GPR25: variants seen among roughly 807,000 people sequenced by gnomAD.
The protein encoded by GPR25 is C-X-C chemokine receptor GPR25.
For missense variants in GPR25, 501 were observed against 503.0 expected (o/e 1.00, Z 0.04); for synonymous variants, 280 against 264.9 (o/e 1.06, Z -0.55).
Position 200,873,520 on chromosome 1 carries a change from C to T in GPR25, c.483C>T (p.Cys161=), listed in dbSNP as rs1238132440. ...CGCGCTGCGCGCTGGCCTCGTGCTG[C>T]GGCGTCTGGGCCGTGGCGCTGCTGG... The part of the protein sequence containing the change: ...RTPRCALASC[C]GVWAVALLAG... The change falls in exon 1 of 1, where the codon TGC becomes TGT. Residue 161 remains cysteine (C), a synonymous_variant. Coordinates refer to ENST00000304244, the MANE Select transcript of GPR25 (RefSeq NM_005298.4). 1.3e-6 allele frequency: 2 copies of T among 1,559,960 alleles called. No homozygotes were observed. The highest frequency in any genetic ancestry group is 1.2e-5 in the South Asian group (1 of 86,260).
In GPR25 at chr1:200,873,438, G is replaced by A; in HGVS notation, c.401G>A (p.Ser134Asn). ...CAGALLLAGM[S>N]VDRYLAVVKL... is the part of the protein sequence containing the mutation. Reference sequence around the variant, plus strand: ...GGCGCGCTGCTGCTGGCGGGCATGAGCGTGGACCGCTACCTGGCCGTGGTG... The same window carrying A: ...GGCGCGCTGCTGCTGGCGGGCATGAACGTGGACCGCTACCTGGCCGTGGTG... The change falls in exon 1 of 1, where the codon AGC becomes AAC. Residue 134 changes from serine (S) to asparagine (N), a missense_variant. Transcript: ENST00000304244. 6.5e-7 allele frequency: 1 copy of A among 1,545,886 alleles called. No homozygotes were observed. The highest frequency in any genetic ancestry group is 1.2e-5 in the South Asian group (1 of 84,638).
Position 200,873,103 on chromosome 1 carries a change from C to G in GPR25, c.66C>G (p.Asp22Glu). The change falls in exon 1 of 1, where the codon GAC becomes GAG. Residue 22 changes from aspartate (D) to glutamate (E), a missense_variant. Asp to Glu is a conservative substitution (Grantham distance 45, BLOSUM62 2). Coordinates refer to ENST00000304244, the MANE Select transcript of GPR25 (RefSeq NM_005298.4). ...GSAPWDYSGL[D>E]GLEELELCPA... ...CGCCCTGGGACTACTCGGGGTTGGA[C>G]GGCCTGGAGGAGCTGGAGCTGTGTC... 1.9e-6 allele frequency: 3 copies of G among 1,593,400 alleles called. No homozygotes were observed. Among genetic ancestry groups the G allele is most frequent in the Non-Finnish European group, 2.6e-6 (3 of 1,173,834 alleles).
At position 200,873,432 on chromosome 1, in the gene GPR25, G is replaced by T; in HGVS notation, c.395G>T (p.Gly132Val). The change falls in exon 1 of 1, where the codon GGC becomes GTC. Residue 132 changes from glycine to valine, a missense_variant. Coordinates refer to ENST00000304244, the MANE Select transcript of GPR25 (RefSeq NM_005298.4). ...TGCGCGGGCGCGCTGCTGCTGGCGG[G>T]CATGAGCGTGGACCGCTACCTGGCC... Reference protein sequence around the residue: ...TRCAGALLLAGMSVDRYLAVV... With the variant: ...TRCAGALLLAVMSVDRYLAVV... The T allele has an allele frequency of 1.3e-6, 2 of 1,525,258 alleles. No individual in the cohort carries two copies. Among genetic ancestry groups the T allele is most frequent in the Non-Finnish European group, 1.7e-6 (2 of 1,145,930 alleles). 94.5% of individuals were successfully genotyped at this position (1,525,258 alleles called of 1,614,324 possible). A position where few individuals can be genotyped will look rare whatever the true frequency, so the allele number is the denominator to read the frequency against.
In GPR25 at chr1:200,873,096, G is replaced by A; in HGVS notation, c.59G>A (p.Gly20Glu). 1 of 1,590,204 alleles carries A rather than the reference G, an allele frequency of 6.3e-7. No individual in the cohort carries two copies. Among genetic ancestry groups the A allele is most frequent in the Non-Finnish European group, 8.5e-7 (1 of 1,172,310 alleles). ...SPGSAPWDYS[G>E]LDGLEELELC... ...GGGTCAGCGCCCTGGGACTACTCGGGGTTGGACGGCCTGGAGGAGCTGGAG... is the reference window on the plus strand; with the variant it reads ...GGGTCAGCGCCCTGGGACTACTCGGAGTTGGACGGCCTGGAGGAGCTGGAG... Residue 20 changes from glycine (G) to glutamate (E), a missense_variant, in exon 1 of 1, where the codon GGG becomes GAG. Gly to Glu is a moderately conservative substitution (Grantham distance 98, BLOSUM62 -2). Transcript: ENST00000304244.
Position 200,873,124 on chromosome 1 carries a change from G to A in GPR25, c.87G>A (p.Leu29=), listed in dbSNP as rs372480797. Residue 29 remains leucine (L), a synonymous_variant, in exon 1 of 1, where the codon CTG becomes CTA. Transcript: ENST00000304244. ...SGLDGLEELE[L]CPAGDLPYGY... ...TGGACGGCCTGGAGGAGCTGGAGCT[G>A]TGTCCGGCCGGGGACCTGCCCTACG... is the stretch of plus-strand genomic sequence containing the variant. 25 of 1,601,494 alleles carry A rather than the reference G, an allele frequency of 1.6e-5. No homozygotes were observed. In the African/African-American group the frequency reaches 3.3e-4, roughly 21 times the overall value.
Position 200,873,104 on chromosome 1 carries a change from G to A in GPR25, c.67G>A (p.Gly23Ser), listed in dbSNP as rs150175263. The A allele has an allele frequency of 3.1e-6, 5 of 1,594,280 alleles. No individual in the cohort carries two copies. The highest frequency in any genetic ancestry group is 4.3e-6 in the Non-Finnish European group (5 of 1,174,302). The change falls in exon 1 of 1, where the codon GGC becomes AGC. Residue 23 changes from glycine to serine, a missense_variant. By Grantham distance (56) the Gly-to-Ser change is moderately conservative (BLOSUM62 0). Coordinates refer to ENST00000304244, the MANE Select transcript of GPR25 (RefSeq NM_005298.4). Reference protein sequence around the residue: ...SAPWDYSGLDGLEELELCPAG... With the variant: ...SAPWDYSGLDSLEELELCPAG... ...GCCCTGGGACTACTCGGGGTTGGAC[G>A]GCCTGGAGGAGCTGGAGCTGTGTCC...
rs1259063068 is a variant in GPR25 at position 200,873,583 on chromosome 1, C to A, written c.546C>A (p.Pro182=). The change falls in exon 1 of 1, where the codon CCC becomes CCA. Residue 182 remains proline (P), a synonymous_variant. Coordinates refer to ENST00000304244, the MANE Select transcript of GPR25 (RefSeq NM_005298.4). ...LPSLVYRGLQ[P]LPGGQDSQCG... ...CCCTGGTCTACCGGGGGTTGCAGCC[C>A]CTGCCTGGGGGCCAGGACAGCCAGT... 1 of 1,586,424 alleles carries A rather than the reference C, an allele frequency of 6.3e-7. No individual in the cohort carries two copies. Among genetic ancestry groups the A allele is most frequent in the African/African-American group, 1.3e-5 (1 of 74,630 alleles).
Position 200,873,208 on chromosome 1 carries a change from C to T in GPR25, c.171C>T (p.Asn57=), listed in dbSNP as rs752105755. 43 of 1,605,378 alleles carry T rather than the reference C, an allele frequency of 2.7e-5. No homozygotes were observed. The highest frequency in any genetic ancestry group is 3.4e-5 in the Non-Finnish European group (40 of 1,178,634). Residue 57 remains asparagine (N), a synonymous_variant, in exon 1 of 1, where the codon AAC becomes AAT. Coordinates refer to ENST00000304244, the MANE Select transcript of GPR25 (RefSeq NM_005298.4). ...CCTTCGCCGTGGGCCTGCTGGGCAA[C>T]GCCTTTGTGGTGTGGCTGCTGGCCG... ...LAAFAVGLLG[N]AFVVWLLAGR... is the part of the protein sequence containing the mutation.
Position 200,873,385 on chromosome 1 carries a change from C to A in GPR25, c.348C>A (p.Ser116Arg). The A allele has an allele frequency of 6.7e-7, 1 of 1,492,674 alleles. No individual in the cohort carries two copies. The highest frequency in any genetic ancestry group is 1.3e-5 in the South Asian group (1 of 78,728). 92.5% of individuals were successfully genotyped at this position (1,492,674 alleles called of 1,614,324 possible). The change falls in exon 1 of 1, where the codon AGC becomes AGA. Residue 116 changes from serine to arginine, a missense_variant. Physicochemically the swap from Ser to Arg is moderately radical, Grantham distance 110 (BLOSUM62 -1). Coordinates refer to ENST00000304244, the MANE Select transcript of GPR25 (RefSeq NM_005298.4). The stretch of plus-strand genomic sequence containing the variant: ...GCGATGGCCTCTGCAAGCTCAGCAG[C>A]TTCGCGCTGGCGGGCACGCGCTGCG... ...PFGDGLCKLSSFALAGTRCAG... is the reference protein window; with the variant it reads ...PFGDGLCKLSRFALAGTRCAG...
Position 200,873,302 on chromosome 1 carries a change from G to T in GPR25, c.265G>T (p.Val89Leu). The T allele has an allele frequency of 6.5e-7, 1 of 1,535,032 alleles. No homozygotes were observed. The highest frequency in any genetic ancestry group is 8.7e-7 in the Non-Finnish European group (1 of 1,145,988). ...LHLAAADLGF[V>L]LTLPLWAAAA... ...CCTGGCGGCAGCTGACCTGGGCTTC[G>T]TGCTCACGCTGCCGCTGTGGGCCGC... The change falls in exon 1 of 1, where the codon GTG (valine) becomes TTG (leucine). Residue 89 changes from valine to leucine, a missense_variant. Val to Leu is a conservative substitution (Grantham distance 32). Coordinates refer to ENST00000304244, the MANE Select transcript of GPR25 (RefSeq NM_005298.4).
Position 200,873,187 on chromosome 1 carries a change from C to T in GPR25, c.150C>T (p.Phe50=), listed in dbSNP as rs759427738. ...VYIPALYLAA[F]AVGLLGNAFV... ...TCCCCGCGCTCTACCTGGCGGCCTT[C>T]GCCGTGGGCCTGCTGGGCAACGCCT... The change falls in exon 1 of 1, where the codon TTC becomes TTT. Residue 50 remains phenylalanine, a synonymous_variant. Transcript: ENST00000304244. 1.2e-6 allele frequency: 2 copies of T among 1,606,444 alleles called. No individual in the cohort carries two copies. Among genetic ancestry groups the T allele is most frequent in the Admixed American group, 1.7e-5 (1 of 59,854 alleles).
In GPR25 at chr1:200,873,018, G is replaced by A; in HGVS notation, c.-20G>A. The A allele has an allele frequency of 1.3e-6, 2 of 1,508,828 alleles. No homozygotes were observed. Among genetic ancestry groups the A allele is most frequent in the East Asian group, 2.4e-5 (1 of 41,100 alleles). The allele number at this position is 1,508,828 out of a possible 1,614,324, so 93.5% of individuals were successfully genotyped here. A position where few individuals can be genotyped will look rare whatever the true frequency, so the allele number is the denominator to read the frequency against. On this transcript the variant is annotated 5_prime_UTR_variant, in exon 1 of 1. Coordinates refer to ENST00000304244, the MANE Select transcript of GPR25 (RefSeq NM_005298.4). ...GCCTGCGCCCAGGGCTGCACTCCGCGCAGGCCTCATAGCCAGGCCATGGCC... is the reference window on the plus strand; with the variant it reads ...GCCTGCGCCCAGGGCTGCACTCCGCACAGGCCTCATAGCCAGGCCATGGCC...
Position 200,873,513 on chromosome 1 carries a change from C to G in GPR25, c.476C>G (p.Ser159Trp). ...PLRTPRCALASCCGVWAVALL... is the reference protein window; with the variant it reads ...PLRTPRCALAWCCGVWAVALL... ...CGCACCCCGCGCTGCGCGCTGGCCT[C>G]GTGCTGCGGCGTCTGGGCCGTGGCG... Residue 159 changes from serine to tryptophan, a missense_variant, in exon 1 of 1, where the codon TCG becomes TGG. Transcript: ENST00000304244. The G allele has an allele frequency of 4.5e-6, 7 of 1,558,356 alleles. No individual in the cohort carries two copies. Among genetic ancestry groups the G allele is most frequent in the Non-Finnish European group, 6.0e-6 (7 of 1,161,070 alleles).
Position 200,874,006 on chromosome 1 carries a change from C to T in GPR25, c.969C>T (p.Cys323=). The T allele has an allele frequency of 1.9e-6, 3 of 1,611,748 alleles. No individual in the cohort carries two copies. The highest frequency in any genetic ancestry group is 2.5e-6 in the Non-Finnish European group (3 of 1,179,416). ...GAGCCCGGGCGCTGGACGGGGCCTGCGGGCGCACCGGCCGCCTGGCGCGAA... is the reference window on the plus strand; with the variant it reads ...GAGCCCGGGCGCTGGACGGGGCCTGTGGGCGCACCGGCCGCCTGGCGCGAA... The part of the protein sequence containing the change: ...SFRARALDGA[C]GRTGRLARRI... Residue 323 remains cysteine, a synonymous_variant, in exon 1 of 1, where the codon TGC becomes TGT. Coordinates refer to ENST00000304244, the MANE Select transcript of GPR25 (RefSeq NM_005298.4).
chr1:200,873,394 G>A lies in GPR25; in HGVS notation c.357G>A (p.Leu119=). ...TCTGCAAGCTCAGCAGCTTCGCGCTGGCGGGCACGCGCTGCGCGGGCGCGC... is the reference window on the plus strand; with the variant it reads ...TCTGCAAGCTCAGCAGCTTCGCGCTAGCGGGCACGCGCTGCGCGGGCGCGC... ...DGLCKLSSFA[L]AGTRCAGALL... The change falls in exon 1 of 1, where the codon CTG becomes CTA. Residue 119 remains leucine, a synonymous_variant. Coordinates refer to ENST00000304244, the MANE Select transcript of GPR25 (RefSeq NM_005298.4). The A allele has an allele frequency of 6.7e-7, 1 of 1,493,550 alleles. No individual in the cohort carries two copies. Among genetic ancestry groups the A allele is most frequent in the African/African-American group, 1.5e-5 (1 of 68,690 alleles). 92.5% of individuals were successfully genotyped at this position (1,493,550 alleles called of 1,614,324 possible).
In GPR25 at chr1:200,873,004, G is replaced by A. The variant is rs1421794466; in HGVS notation, c.-34G>A. 2 of 1,479,552 alleles carry A rather than the reference G, an allele frequency of 1.4e-6. No homozygotes were observed. Among genetic ancestry groups the A allele is most frequent in the East Asian group, 5.0e-5 (2 of 40,176 alleles). The allele number at this position is 1,479,552 out of a possible 1,614,324, so 91.7% of individuals were successfully genotyped here. ...TCAGAGCTGCTGCCGCCTGCGCCCA[G>A]GGCTGCACTCCGCGCAGGCCTCATA... On this transcript the variant is annotated 5_prime_UTR_variant, in exon 1 of 1. Coordinates refer to ENST00000304244, the MANE Select transcript of GPR25 (RefSeq NM_005298.4).
chr1:200,874,154 C>G lies in GPR25; in HGVS notation c.*31C>G. 6.7e-7 allele frequency: 1 copy of G among 1,493,740 alleles called. No individual in the cohort carries two copies. The highest frequency in any genetic ancestry group is 1.4e-5 in the African/African-American group (1 of 71,852). 92.5% of individuals were successfully genotyped at this position (1,493,740 alleles called of 1,614,324 possible). ...CCGGGCCGCTGGAGGTGGGCGGCAG[C>G]GGAGCATCGAGAGGAGGCCAGAGGT... On this transcript the variant is annotated 3_prime_UTR_variant, in exon 1 of 1. Coordinates refer to ENST00000304244, the MANE Select transcript of GPR25 (RefSeq NM_005298.4).
At position 200,873,277 on chromosome 1, in the gene GPR25, C is replaced by T; in HGVS notation, c.240C>T (p.His80=). The T allele has an allele frequency of 6.4e-7, 1 of 1,554,336 alleles. No individual in the cohort carries two copies. The highest frequency in any genetic ancestry group is 8.7e-7 in the Non-Finnish European group (1 of 1,154,886). ...GGCTGGTGGATACCTTCGTGCTGCA[C>T]CTGGCGGCAGCTGACCTGGGCTTCG... The part of the protein sequence containing the change: ...PRRLVDTFVL[H]LAAADLGFVL... The change falls in exon 1 of 1, where the codon CAC becomes CAT. Residue 80 remains histidine, a synonymous_variant. Coordinates refer to ENST00000304244, the MANE Select transcript of GPR25 (RefSeq NM_005298.4).
In GPR25 at chr1:200,873,630, C is replaced by T; in HGVS notation, c.593C>T (p.Ala198Val). Residue 198 changes from alanine to valine, a missense_variant, in exon 1 of 1, where the codon GCC becomes GTC. Transcript: ENST00000304244. ...DSQCGEEPSHAFQGLSLLLLL... is the reference protein window; with the variant it reads ...DSQCGEEPSHVFQGLSLLLLL... ...CAGTGCGGCGAGGAGCCCTCCCACG[C>T]CTTCCAGGGCCTCAGCTTGCTGCTG... is the stretch of plus-strand genomic sequence containing the variant. 6.3e-7 allele frequency: 1 copy of T among 1,597,200 alleles called. No individual in the cohort carries two copies.
Sources: allele counts gnomAD v4.1 joint callset, GRCh38; gene constraint gnomAD v4.1.1; transcripts MANE v1.5; gene names NCBI Gene and HGNC (gene_info 2026-07-23, HGNC 2026-07-21).